RHBDD2: variants seen among roughly 807,000 people sequenced by gnomAD.
RHBDD2 encodes rhomboid domain-containing protein 2.
A neutral mutation model predicts 21.7 loss-of-function variants in RHBDD2; 13 were observed. The ratio of observed to expected loss-of-function variants is 0.60; its 90% CI spans 0.39 to 0.95. The LOEUF (loss-of-function observed/expected upper bound fraction) is 0.95, where lower values mean the gene tolerates loss of function less well. RHBDD2 is among the 40% of genes least tolerant of loss of function. The pLI, the probability that RHBDD2 is intolerant of heterozygous loss-of-function variation, is 0.00. For synonymous variants in RHBDD2, 225 were observed against 220.0 expected (o/e 1.02, Z -0.20); for missense variants, 473 against 478.9 (o/e 0.99, Z 0.11).
rs1805838594 is a variant in RHBDD2 at position 75,888,533 on chromosome 7, G to A, written c.*184G>A. 3.6e-6 allele frequency: 2 copies of A among 555,578 alleles called. No homozygotes were observed. Among genetic ancestry groups the A allele is most frequent in the African/African-American group, 1.9e-5 (1 of 53,384 alleles). 34.4% of individuals were successfully genotyped at this position (555,578 alleles called of 1,614,324 possible). On this transcript the variant is annotated 3_prime_UTR_variant, in exon 4 of 4. Coordinates refer to ENST00000006777, the MANE Select transcript of RHBDD2 (RefSeq NM_001040456.3). The stretch of plus-strand genomic sequence containing the variant: ...CTGTGGAGTACGGTGTACTGGCCCA[G>A]CTTACAGATGCAGAAAGCGAGACGT...
At chr7:75,881,145 C>T (rs1339271547) in intron 1 of RHBDD2, among the ~76,000 whole-genome samples, 1 of 152,016 alleles carries the variant, frequency 6.6e-6, no homozygotes, top group South Asian at 2.1e-4. Flanking sequence ...CTAGCCTGGG[C>T]AACGTAGCAA....
intron 3 of RHBDD2, 104 bp downstream of exon 3, chr7:75,883,952 T>C: frequency 1.1e-6 from 1 of 904,988 alleles, no homozygotes. Flanking sequence ...TGTAGTGCAG[T>C]GGCACAATCT....
rs541032306 is a variant in RHBDD2, at chr7:75,883,903, T to A, written c.737+55T>A. 1.2e-4 allele frequency: 176 copies of A among 1,480,206 alleles called. 1 individual carries two copies. The highest frequency in any genetic ancestry group is 4.5e-4 in the Middle Eastern group (2 of 4,470). The allele number at this position is 1,480,206 out of a possible 1,614,324, so 91.7% of individuals were successfully genotyped here. ...AATCTTTTTTAAAAAAAAAATTATT[T>A]TTTTTTTTTGAGACGGAGTCTCACT... is the stretch of plus-strand genomic sequence containing the variant. On this transcript the variant is annotated intron_variant, in intron 3 of 3. Coordinates refer to ENST00000006777, the MANE Select transcript of RHBDD2 (RefSeq NM_001040456.3).
At chr7:75,884,473 T>G (rs1563378653) in intron 3 of RHBDD2, among the ~76,000 whole-genome samples, 1 of 152,078 alleles carries the variant, frequency 6.6e-6, no homozygotes, top group Non-Finnish European at 1.5e-5. Context: ...CTTCCTTGAT[T>G]TCTCAAAGTA....
chr7:75,879,125 C>A lies in RHBDD2; in HGVS notation c.43C>A (p.Pro15Thr). 1.4e-6 allele frequency: 2 copies of A among 1,429,174 alleles called. No individual in the cohort carries two copies. The highest frequency in any genetic ancestry group is 3.0e-5 in the African/African-American group (2 of 67,148). 88.5% of individuals were successfully genotyped at this position (1,429,174 alleles called of 1,614,324 possible). Residue 15 changes from proline to threonine, a missense_variant, in exon 1 of 4, where the codon CCC becomes ACC. Transcript: ENST00000006777. ...CGGGTGTCGCAGCTGGTGCTTGTGT[C>A]CCGAGGTGCCATCCGCCACCTTCTT... ...GPGCRSWCLCPEVPSATFFTA... is the reference protein window; with the variant it reads ...GPGCRSWCLCTEVPSATFFTA...
chr7:75,884,741 A>T (rs1325982199), intron 3 of RHBDD2, among the ~76,000 whole-genome samples: 1 of 152,220 alleles, frequency 6.6e-6, no homozygotes, highest in Non-Finnish European at 1.5e-5. Flanking sequence ...TAGGCTGGGC[A>T]GGAGGGCCCC....
At chr7:75,881,565 AT>A in intron 1 of RHBDD2, 2 of 1,363,352 alleles carry the variant, frequency 1.5e-6, no homozygotes, top group Non-Finnish European at 1.9e-6. Flanking sequence ...GAAAAGTATT[AT>A]TTTTTTCCCT....
intron 3 of RHBDD2, among the ~76,000 whole-genome samples, chr7:75,885,093 G>A (rs1805579416): frequency 6.8e-6 from 1 of 147,752 alleles, no homozygotes; most frequent in South Asian, 2.2e-4. Flanking sequence ...CAGCCTGGTT[G>A]ACAGAGCAAG....
At position 75,888,284 on chromosome 7, in the gene RHBDD2, T is replaced by C. The variant is rs941047915; in HGVS notation, c.1030T>C (p.Ser344Pro). ...TPVNSPGTVY[S>P]GALGTPGAAG... ...TGTGAACAGCCCTGGCACGGTGTAT[T>C]CTGGGGCCTTGGGCACACCAGGGGC... is the stretch of plus-strand genomic sequence containing the variant. Residue 344 changes from serine (S) to proline (P), a missense_variant, in exon 4 of 4, where the codon TCT becomes CCT. Coordinates refer to ENST00000006777, the MANE Select transcript of RHBDD2 (RefSeq NM_001040456.3). 6.2e-7 allele frequency: 1 copy of C among 1,613,398 alleles called. No individual in the cohort carries two copies.
At chr7:75,886,789 G>A (rs1218967026) in intron 3 of RHBDD2, among the ~76,000 whole-genome samples, 1 of 151,826 alleles carries the variant, frequency 6.6e-6, no homozygotes, top group Non-Finnish European at 1.5e-5. Context: ...ACTCCAGCCT[G>A]GGCAAAAGAG....
Position 75,881,917 on chromosome 7 carries a change from T to C in RHBDD2, c.267T>C (p.Asn89=). ...TCATCATCTGGCGCTTTGCTGGCAA[T>C]TTCGAGAGAACCGTGGGCACCGTCC... The part of the protein sequence containing the change: ...GAIIIWRFAG[N]FERTVGTVRH... Residue 89 remains asparagine, a synonymous_variant, in exon 2 of 4, where the codon AAT becomes AAC. Transcript: ENST00000006777. The C allele has an allele frequency of 6.2e-7, 1 of 1,614,240 alleles. No homozygotes were observed. Among genetic ancestry groups the C allele is most frequent in the Non-Finnish European group, 8.5e-7 (1 of 1,180,044 alleles).
chr7:75,886,499 C>G (rs1419768285), intron 3 of RHBDD2, among the ~76,000 whole-genome samples: 1 of 152,152 alleles, frequency 6.6e-6, no homozygotes, highest in African/African-American at 2.4e-5. Context: ...CTCTCCAAGA[C>G]TGGCCCTGAT....
In RHBDD2 at chr7:75,888,347, TG is replaced by T; in HGVS notation, c.1094del (p.Ter365=). ...GGAGTCCTCCAGGGTCCCCATGCCC[TG>T]AGAGAATTTCTAGGGAAGTCATCTC... The part of the protein sequence containing the change: ...SKESSRVPMP[*>X] On this transcript the variant is annotated frameshift_variant and stop_lost, in exon 4 of 4. Transcript: ENST00000006777. LOFTEE classifies it high-confidence loss of function. 6.2e-7 allele frequency: 1 copy of T among 1,605,888 alleles called. No individual in the cohort carries two copies.
chr7:75,888,125 A>G lies in RHBDD2; in HGVS notation c.871A>G (p.Met291Val), dbSNP rs1236921623. The G allele has an allele frequency of 5.0e-6, 8 of 1,613,792 alleles. No individual in the cohort carries two copies. Among genetic ancestry groups the G allele is most frequent in the Non-Finnish European group, 6.8e-6 (8 of 1,180,040 alleles). The stretch of plus-strand genomic sequence containing the variant: ...CTGGCCCTCCTGCACCCCCGGGCAC[A>G]TGCCCACCTTGCCTCCGTACCAGCC... The part of the protein sequence containing the change: ...ASWPSCTPGH[M>V]PTLPPYQPAS... The change falls in exon 4 of 4, where the codon ATG becomes GTG. Residue 291 changes from methionine (M) to valine (V), a missense_variant. Physicochemically the swap from Met to Val is conservative, Grantham distance 21. Coordinates refer to ENST00000006777, the MANE Select transcript of RHBDD2 (RefSeq NM_001040456.3).
intron 1 of RHBDD2, chr7:75,881,619 A>C (rs2115994911): frequency 9.4e-7 from 1 of 1,066,204 alleles, no homozygotes. Context: ...GGCCTGGGGA[A>C]GTGTAGGGAT....
At chr7:75,885,331 C>T (rs1209122151) in intron 3 of RHBDD2, among the ~76,000 whole-genome samples, 2 of 152,132 alleles carry the variant, frequency 1.3e-5, no homozygotes, top group South Asian at 2.1e-4. Flanking sequence ...TTCTCACCCA[C>T]TCTGTTTCCA....
chr7:75,883,617 T>G, intron 2 of RHBDD2, 81 bp from the exon 3 acceptor site: 1 of 1,254,040 alleles, frequency 8.0e-7, no homozygotes, highest in Admixed American at 1.9e-5. Flanking sequence ...GTAGAGTGAG[T>G]GGGAACCTGT....
intron 3 of RHBDD2, 101 bp from the exon 4 acceptor site, chr7:75,887,891 A>G (rs1563381277): frequency 2.1e-6 from 2 of 964,744 alleles, no homozygotes; most frequent in Admixed American, 2.0e-5. Context: ...GAAAACATCC[A>G]AGGCATGTTG....
rs781911296 is a variant in RHBDD2 at position 75,883,805 on chromosome 7, G to A, written c.694G>A (p.Val232Ile). ...GAGGAGGATATCCGTGTTCAAGTAC[G>A]TCTCAGGGTCTTCAGCCGAGAGGAG... is the stretch of plus-strand genomic sequence containing the variant. ...LMRRISVFKY[V>I]SGSSAERRAA... is the part of the protein sequence containing the mutation. The change falls in exon 3 of 4, where the codon GTC becomes ATC. Residue 232 changes from valine (V) to isoleucine (I), a missense_variant. Coordinates refer to ENST00000006777, the MANE Select transcript of RHBDD2 (RefSeq NM_001040456.3). 1.5e-5 allele frequency: 24 copies of A among 1,613,916 alleles called. 1 individual carries two copies. In the Middle Eastern group the frequency reaches 2.5e-3, roughly 166 times the overall value.
Sources: allele counts gnomAD v4.1 joint callset (sites outside exome capture counted in the v4.1 genomes callset), GRCh38; gene constraint gnomAD v4.1.1; transcripts MANE v1.5; gene names NCBI Gene and HGNC (gene_info 2026-07-23, HGNC 2026-07-21).